Variants in UBE2H observed in about 807,000 individuals in gnomAD.
The protein encoded by UBE2H is ubiquitin-conjugating enzyme E2 H.
In UBE2H, 3 loss-of-function variants were observed where a neutral mutation model predicts 29.0. The ratio of observed to expected loss-of-function variants is 0.10; its 90% CI spans 0.05 to 0.27. The LOEUF (loss-of-function observed/expected upper bound fraction) is 0.27, where lower values mean the gene tolerates loss of function less well. UBE2H is among the 10% of genes least tolerant of loss of function. The pLI is 1.00. For synonymous variants in UBE2H, 69 were observed against 82.9 expected (o/e 0.83, Z 0.91); for missense variants, 68 against 228.2 (o/e 0.30, Z 4.52).
chr7:129,888,001 T>C (rs149970679), intron 1 of UBE2H, among the ~76,000 whole-genome samples: 22 of 152,344 alleles, frequency 1.4e-4, no homozygotes, highest in Middle Eastern at 3.4e-3. Context: ...TAAGGATGTC[T>C]ATGAAAAATA....
intron 1 of UBE2H, among the ~76,000 whole-genome samples, chr7:129,928,885 C>T (rs188654840): frequency 6.6e-6 from 1 of 152,304 alleles, no homozygotes; most frequent in East Asian, 1.9e-4. Flanking sequence ...ATGAGTTTTA[C>T]ACTTTGTTTT....
intron 1 of UBE2H, among the ~76,000 whole-genome samples, chr7:129,882,537 T>C (rs1370477537): frequency 6.6e-6 from 1 of 152,190 alleles, no homozygotes; most frequent in Non-Finnish European, 1.5e-5. Context: ...GCCCTGAGTA[T>C]CCACAAGAGA....
chr7:129,838,498 T>C (rs951746956), intron 6 of UBE2H, among the ~76,000 whole-genome samples: 2 of 152,166 alleles, frequency 1.3e-5, no homozygotes, highest in African/African-American at 4.8e-5. Flanking sequence ...TGCCATTGGT[T>C]AAAAGCAGCA....
rs1805268524 is a variant in UBE2H, at chr7:129,833,506, G to C, written c.*1431C>G. On this transcript the variant is annotated 3_prime_UTR_variant, in exon 7 of 7. Transcript: ENST00000355621. ...CAGCAGGCAACACTCAGATTTGAAA[G>C]AAACTCTGCAGCAACCTGGACATAT... The C allele has an allele frequency of 1.3e-5, 2 of 152,168 alleles. No homozygotes were observed. The highest frequency in any genetic ancestry group is 4.1e-4 in the South Asian group (2 of 4,830). The allele number at this position is 152,168 out of a possible 1,614,324, so 9.4% of individuals were successfully genotyped here.
intron 1 of UBE2H, among the ~76,000 whole-genome samples, chr7:129,930,118 TAGG>T (rs976543830): frequency 1.7e-4 from 26 of 152,336 alleles, no homozygotes; most frequent in Middle Eastern, 3.4e-3. Flanking sequence ...ATACATTTGT[TAGG>T]AGTAGTAGCT....
intron 1 of UBE2H, among the ~76,000 whole-genome samples, chr7:129,899,243 TG>T (rs146481131): frequency 0.19 from 28,710 of 152,078 alleles, 3,039 homozygotes; most frequent in African/African-American, 0.28. Context: ...TTTCTAGAAG[TG>T]GAACTTCTAT....
chr7:129,944,742 ACACACACACG>A (rs1352913805), intron 1 of UBE2H, among the ~76,000 whole-genome samples: 90 of 128,726 alleles, frequency 7.0e-4, no homozygotes, highest in African/African-American at 9.1e-4. Context: ...ACACACACAC[ACACACACACG>A]CACGCACGCA....
intron 5 of UBE2H, 169 bp downstream of exon 5, chr7:129,857,342 T>C (rs1449510663): frequency 1.1e-5 from 7 of 643,288 alleles, no homozygotes; most frequent in Non-Finnish European, 1.9e-5. Flanking sequence ...CTGATATATT[T>C]GTACTTAAGA....
chr7:129,888,984 G>A (rs1180448773), intron 1 of UBE2H, among the ~76,000 whole-genome samples: 4 of 152,184 alleles, frequency 2.6e-5, no homozygotes, highest in African/African-American at 9.7e-5. Context: ...AACAGAGTGT[G>A]ATTTGGACAT....
At chr7:129,853,889 T>C (rs933423914) in intron 5 of UBE2H, among the ~76,000 whole-genome samples, 1 of 152,200 alleles carries the variant, frequency 6.6e-6, no homozygotes, top group Non-Finnish European at 1.5e-5. Flanking sequence ...GTACATGTCC[T>C]GGGGCAAGGT....
rs143150163 is a variant in UBE2H, at chr7:129,907,632, C to T, written c.54-26661G>A. ...GAAGGTTTTATGCCGAGGTAGATGACGGATGCAAAGCACAATTTTAGGAAA... is the reference window on the plus strand; with the variant it reads ...GAAGGTTTTATGCCGAGGTAGATGATGGATGCAAAGCACAATTTTAGGAAA... On this transcript the variant is annotated intron_variant, in intron 1 of 6. Coordinates refer to ENST00000355621, the MANE Select transcript of UBE2H (RefSeq NM_003344.4). 4.5e-3 allele frequency among the ~76,000 whole-genome samples: 686 copies of T among 152,206 alleles called. 5 individuals are homozygous for T. Among genetic ancestry groups the T allele is most frequent in the African/African-American group, 0.015 (606 of 41,518 alleles).
At chr7:129,936,007 T>C (rs763052625) in intron 1 of UBE2H, among the ~76,000 whole-genome samples, 1 of 152,208 alleles carries the variant, frequency 6.6e-6, no homozygotes, top group Non-Finnish European at 1.5e-5. Flanking sequence ...AGCCCTTATA[T>C]TCGGAAAGCC....
At chr7:129,886,060 T>C (rs1806354719) in intron 1 of UBE2H, among the ~76,000 whole-genome samples, 3 of 152,216 alleles carry the variant, frequency 2.0e-5, no homozygotes, top group South Asian at 2.1e-4. Flanking sequence ...CACTAGAAGA[T>C]TCCTCATTAC....
chr7:129,881,029 A>G lies in UBE2H; in HGVS notation c.54-58T>C, dbSNP rs145573790. 63 of 1,499,670 alleles carry G rather than the reference A, an allele frequency of 4.2e-5. No individual in the cohort carries two copies. The African/African-American group carries it at 8.2e-4, about 20-fold the overall frequency. The allele number at this position is 1,499,670 out of a possible 1,614,324, so 92.9% of individuals were successfully genotyped here. ...TTTACAGTATCTGGCAGAATTACCA[A>G]TAACACCCCAGGCATATGCCACTTA... is the stretch of plus-strand genomic sequence containing the variant. On this transcript the variant is annotated intron_variant, in intron 1 of 6. Transcript: ENST00000355621.
At chr7:129,846,388 T>TAATAA (rs1356624210) in intron 5 of UBE2H, among the ~76,000 whole-genome samples, 1 of 140,336 alleles carries the variant, frequency 7.1e-6, no homozygotes, top group Non-Finnish European at 1.6e-5. Flanking sequence ...ATAATAATAA[T>TAATAA]TGGGCATGGT....
intron 1 of UBE2H, among the ~76,000 whole-genome samples, chr7:129,913,077 C>A (rs922422021): frequency 1.3e-5 from 2 of 151,990 alleles, no homozygotes; most frequent in Non-Finnish European, 2.9e-5. Flanking sequence ...ATAGTGAAAC[C>A]TCGTCTCTAC....
chr7:129,836,993 T>C (rs1805342960), intron 6 of UBE2H, among the ~76,000 whole-genome samples: 1 of 151,676 alleles, frequency 6.6e-6, no homozygotes, highest in African/African-American at 2.4e-5. Flanking sequence ...GCAAAGGGTT[T>C]TGAGCAGGGA....
At chr7:129,874,456 C>A (rs1806104912) in intron 3 of UBE2H, among the ~76,000 whole-genome samples, 1 of 151,756 alleles carries the variant, frequency 6.6e-6, no homozygotes, top group Admixed American at 6.6e-5. Context: ...ACTACAGGTG[C>A]CCGCCACCAC....
At chr7:129,934,061 C>T (rs1807465202) in intron 1 of UBE2H, among the ~76,000 whole-genome samples, 1 of 152,192 alleles carries the variant, frequency 6.6e-6, no homozygotes, top group South Asian at 2.1e-4. Context: ...GTCACTCATG[C>T]CTGTAATCCC....
Sources: allele counts gnomAD v4.1 joint callset (sites outside exome capture counted in the v4.1 genomes callset), GRCh38; gene constraint gnomAD v4.1.1; transcripts MANE v1.5; gene names NCBI Gene and HGNC (gene_info 2026-07-23, HGNC 2026-07-21).